Variants in CCSER1 observed in about 807,000 individuals in gnomAD.
CCSER1 encodes the protein coiled-coil serine rich protein 1.
In CCSER1, 41 loss-of-function variants were observed where a neutral mutation model predicts 82.0. The ratio of observed to expected loss-of-function variants is 0.50; its 90% confidence interval spans 0.39 to 0.65. The LOEUF (loss-of-function observed/expected upper bound fraction) is 0.65, where lower values mean the gene tolerates loss of function less well. CCSER1 is among the 30% of genes least tolerant of loss of function. CCSER1 has a pLI of 0.00. For synonymous variants in CCSER1, 414 were observed against 383.9 expected (o/e 1.08, Z -0.92); for missense variants, 1,119 against 1,064.2 (o/e 1.05, Z -0.72).
At chr4:90,899,211 G>A (rs1347485797) in intron 8 of CCSER1, among the ~76,000 whole-genome samples, 1 of 151,760 alleles carries the variant, frequency 6.6e-6, no homozygotes, top group Non-Finnish European at 1.5e-5. Flanking sequence ...ATTTTTTGTG[G>A]CAATTGTAAA....
At chr4:91,341,154 A>C (rs1452209201) in intron 10 of CCSER1, among the ~76,000 whole-genome samples, 1 of 152,168 alleles carries the variant, frequency 6.6e-6, no homozygotes, top group Admixed American at 6.6e-5. Flanking sequence ...TATTAAAATG[A>C]TTTCAGTCCT....
At chr4:90,873,890 A>C (rs1368310737) in intron 8 of CCSER1, among the ~76,000 whole-genome samples, 1 of 152,162 alleles carries the variant, frequency 6.6e-6, no homozygotes, top group Admixed American at 6.6e-5. Context: ...AGCTTTTCTC[A>C]TATTTTTGAT....
intron 6 of CCSER1, among the ~76,000 whole-genome samples, chr4:90,656,984 A>G (rs1465129803): frequency 6.6e-6 from 1 of 152,076 alleles, no homozygotes; most frequent in Non-Finnish European, 1.5e-5. Context: ...GATCATATGC[A>G]TCATGACCTC....
chr4:90,840,264 G>A (rs1229011908), intron 8 of CCSER1, among the ~76,000 whole-genome samples: 3 of 152,160 alleles, frequency 2.0e-5, no homozygotes, highest in Admixed American at 1.3e-4. Flanking sequence ...TGAGGAGAAA[G>A]GTTGTATCTT....
chr4:90,512,421 G>T (rs1771660444), intron 5 of CCSER1, among the ~76,000 whole-genome samples: 1 of 151,934 alleles, frequency 6.6e-6, no homozygotes, highest in Admixed American at 6.6e-5. Flanking sequence ...TATAACATGT[G>T]TTAGATAACT....
intron 1 of CCSER1, among the ~76,000 whole-genome samples, chr4:90,226,974 G>T (rs1743282676): frequency 6.6e-6 from 1 of 152,220 alleles, no homozygotes; most frequent in Non-Finnish European, 1.5e-5. Context: ...TCAAGACAGT[G>T]TGGAATTTTT....
chr4:91,069,588 T>C (rs1314549688), intron 9 of CCSER1, among the ~76,000 whole-genome samples: 2 of 152,178 alleles, frequency 1.3e-5, no homozygotes, highest in Non-Finnish European at 2.9e-5. Context: ...TACGTTCTGG[T>C]GAGAAGAATA....
At chr4:91,161,703 T>C (rs1306866517) in intron 10 of CCSER1, among the ~76,000 whole-genome samples, 1 of 149,370 alleles carries the variant, frequency 6.7e-6, no homozygotes, top group East Asian at 1.9e-4. Context: ...GGCTCTCTGT[T>C]TGTCTGTTAT....
chr4:91,321,128 A>T (rs1746165583), intron 10 of CCSER1, among the ~76,000 whole-genome samples: 1 of 152,120 alleles, frequency 6.6e-6, no homozygotes, highest in Admixed American at 6.6e-5. Flanking sequence ...AAAATTAGTT[A>T]GAATAAGAGG....
chr4:91,366,095 T>C (rs143972150), intron 10 of CCSER1, among the ~76,000 whole-genome samples: 5,208 of 152,260 alleles, frequency 0.034, 280 homozygotes, highest in African/African-American at 0.12. Context: ...CTTGGCTCAC[T>C]GCAACCTCCG....
At chr4:90,413,981 A>AAAATATATATATATATATATAT (rs1560481885) in intron 4 of CCSER1, among the ~76,000 whole-genome samples, 1 of 52,450 alleles carries the variant, frequency 1.9e-5, no homozygotes, top group Non-Finnish European at 3.0e-5. Context: ...AAAAAAAAAA[A>AAAATATATATATATATATATAT]ATATATATAT....
At chr4:90,930,651 A>G (rs1729631963) in intron 9 of CCSER1, among the ~76,000 whole-genome samples, 1 of 151,632 alleles carries the variant, frequency 6.6e-6, no homozygotes, top group African/African-American at 2.4e-5. Context: ...AAGTCCTTAC[A>G]GAAAGAATTT....
At chr4:90,453,369 T>C (rs1761740763) in intron 4 of CCSER1, among the ~76,000 whole-genome samples, 1 of 152,222 alleles carries the variant, frequency 6.6e-6, no homozygotes, top group Non-Finnish European at 1.5e-5. Flanking sequence ...TGTTGGGTTT[T>C]TGTATCCCCA....
chr4:91,181,157 C>A (rs937393879), intron 10 of CCSER1, among the ~76,000 whole-genome samples: 9 of 152,202 alleles, frequency 5.9e-5, no homozygotes, highest in African/African-American at 1.7e-4. Context: ...GTTTTGGGGC[C>A]AGTTTATGGC....
intron 9 of CCSER1, among the ~76,000 whole-genome samples, chr4:91,007,637 T>A (rs1434118085): frequency 2.6e-5 from 4 of 151,182 alleles, no homozygotes; most frequent in Non-Finnish European, 5.9e-5. Flanking sequence ...TCTTTTTTCC[T>A]AGTTACTCTG....
chr4:91,144,893 T>C (rs1729397938), intron 10 of CCSER1, among the ~76,000 whole-genome samples: 1 of 152,108 alleles, frequency 6.6e-6, no homozygotes, highest in Admixed American at 6.6e-5. Flanking sequence ...CTGTTGTCAG[T>C]CTTAAAGTAT....
intron 3 of CCSER1, among the ~76,000 whole-genome samples, chr4:90,375,880 C>A (rs927812889): frequency 5.3e-5 from 8 of 152,116 alleles, no homozygotes; most frequent in Non-Finnish European, 1.0e-4. Context: ...GGACTAGATT[C>A]AAGTATTCAA....
chr4:90,832,937 T>C (rs1003819365), intron 8 of CCSER1, among the ~76,000 whole-genome samples: 5 of 152,228 alleles, frequency 3.3e-5, no homozygotes, highest in Non-Finnish European at 7.3e-5. Flanking sequence ...ATCCTATTTA[T>C]AGTCATCTGT....
At chr4:90,463,430 A>G (rs757294536) in intron 4 of CCSER1, among the ~76,000 whole-genome samples, 1 of 152,228 alleles carries the variant, frequency 6.6e-6, no homozygotes, top group Non-Finnish European at 1.5e-5. Flanking sequence ...CAATGACAGT[A>G]ATAACAATAT....
Sources: gnomAD v4.1 joint callset for allele counts (sites outside exome capture counted in the v4.1 genomes callset) on GRCh38, gnomAD v4.1.1 for gene constraint, MANE v1.5 for transcripts, NCBI Gene and HGNC (gene_info 2026-07-23, HGNC 2026-07-21) for gene names.